Variants in ACVRL1 observed in about 807,000 individuals in gnomAD.
ACVRL1 encodes activin receptor type-1-like.
ACVRL1 carries 20 observed loss-of-function variants against 51.9 expected under a neutral mutation model. The ratio of observed to expected loss-of-function variants is 0.39; its 90% CI spans 0.27 to 0.56. The LOEUF (loss-of-function observed/expected upper bound fraction) is 0.56. Among genes scored for constraint, ACVRL1 ranks in the 20% least tolerant of loss-of-function variants. ACVRL1 has a pLI of 0.67. For synonymous variants in ACVRL1, 288 were observed against 280.9 expected, an observed-to-expected ratio of 1.03 and a Z score of -0.25; for missense variants, 451 against 670.3, an observed-to-expected ratio of 0.67 and a Z score of 3.61.
In ACVRL1 at chr12:51,920,929, G is replaced by A. The variant is rs768608853; in HGVS notation, c.*36G>A. 1.3e-6 allele frequency: 2 copies of A among 1,498,990 alleles called. No homozygotes were observed. The highest frequency in any genetic ancestry group is 9.1e-7 in the Non-Finnish European group (1 of 1,101,174). 92.9% of individuals were successfully genotyped at this position (1,498,990 alleles called of 1,614,324 possible). A position where few individuals can be genotyped will look rare whatever the true frequency, so the allele number is the denominator to read the frequency against. ...CCTGATTCCTTTCTGCCTGCAGGGG[G>A]CTGGGGGGGTGGGGGGCAGTGGATG... On this transcript the variant is annotated 3_prime_UTR_variant, in exon 10 of 10. Transcript: ENST00000388922.
At position 51,907,904 on chromosome 12, in the gene ACVRL1, C is replaced by T. The variant is rs935124871; in HGVS notation, c.-6+209C>T. 6.6e-6 allele frequency among the ~76,000 whole-genome samples: 1 copy of T among 152,212 alleles called. No homozygotes were observed. Among genetic ancestry groups the T allele is most frequent in the Non-Finnish European group, 1.5e-5 (1 of 68,028 alleles). On this transcript the variant is annotated intron_variant, in intron 1 of 9. Transcript: ENST00000388922. The surrounding 1 kb of genome is among the most constrained non-coding windows in gnomAD (Gnocchi z 4.5). ...TTGGAGGGGAATGGACGAGACTGGACTGGAAATCAGAAACTTGGTTCTAGT... is the reference window on the plus strand; with the variant it reads ...TTGGAGGGGAATGGACGAGACTGGATTGGAAATCAGAAACTTGGTTCTAGT...
At position 51,912,983 on chromosome 12, in the gene ACVRL1, C is replaced by T. The variant is rs1008993227; in HGVS notation, c.62-116C>T. 7.7e-6 allele frequency: 11 copies of T among 1,431,786 alleles called. No homozygotes were observed. In the African/African-American group the frequency reaches 1.5e-4, roughly 20 times the overall value. 88.7% of individuals were successfully genotyped at this position (1,431,786 alleles called of 1,614,324 possible). On this transcript the variant is annotated intron_variant, in intron 2 of 9. Transcript: ENST00000388922. ...TGAGGATGAAAGTAAGAGACCAAAG[C>T]TTCAAGGTGTTTGTCTGAGGGGTCA...
Position 51,922,189 on chromosome 12 carries a change from A to G in ACVRL1, c.*1296A>G, listed in dbSNP as rs542951132. 1 of 152,160 alleles carries G rather than the reference A, an allele frequency of 6.6e-6. No homozygotes were observed. Among genetic ancestry groups the G allele is most frequent in the South Asian group, 2.1e-4 (1 of 4,818 alleles). The allele number at this position is 152,160 out of a possible 1,614,324, so 9.4% of individuals were successfully genotyped here. A position where few individuals can be genotyped will look rare whatever the true frequency, so the allele number is the denominator to read the frequency against. ...CCAGCCCCTGGCAATTTGCCTCAAGATGGGGGTTTGAAAATAACTTTACCT... is the reference window on the plus strand; with the variant it reads ...CCAGCCCCTGGCAATTTGCCTCAAGGTGGGGGTTTGAAAATAACTTTACCT... On this transcript the variant is annotated 3_prime_UTR_variant, in exon 10 of 10. Transcript: ENST00000388922.
Position 51,914,550 on chromosome 12 carries a change from A to G in ACVRL1, c.737A>G (p.Tyr246Cys), listed in dbSNP as rs755026232. ...EQSWFRETEI[Y>C]NTVLLRHDNI... The stretch of plus-strand genomic sequence containing the variant: ...TCCTGGTTCCGGGAGACTGAGATCT[A>G]TAACACAGTGTTGCTCAGACACGAC... Residue 246 changes from tyrosine to cysteine, a missense_variant, in exon 6 of 10, where the codon TAT (tyrosine) becomes TGT (cysteine). Tyr to Cys is a radical substitution (Grantham distance 194, BLOSUM62 -2). Coordinates refer to ENST00000388922, the MANE Select transcript of ACVRL1 (RefSeq NM_000020.3). 11 of 1,613,740 alleles carry G rather than the reference A, an allele frequency of 6.8e-6. No homozygotes were observed. Among genetic ancestry groups the G allele is most frequent in the East Asian group, 2.2e-5 (1 of 44,844 alleles).
At chr12:51,918,842 C>G in intron 8 of ACVRL1, 143 bp from the exon 9 acceptor site, 1 of 1,130,948 alleles carries the variant, frequency 8.8e-7, no homozygotes, top group South Asian at 1.3e-5. Flanking sequence ...ACATTTATTG[C>G]ATTATACTGT....
Position 51,917,822 on chromosome 12 carries a change from G to A in ACVRL1, c.1247-1163G>A, listed in dbSNP as rs1273224559. ...CTTGGACCAGGCTGCAGGGCAGAAA[G>A]GAAAGGCTGGGAGGAGGCTGCCTGG... On this transcript the variant is annotated intron_variant, in intron 8 of 9. Transcript: ENST00000388922. The surrounding 1 kb of genome is among the most constrained non-coding windows in gnomAD (Gnocchi z 4.2). Among the ~76,000 whole-genome samples the A allele has an allele frequency of 1.3e-5, 2 of 152,210 alleles. No homozygotes were observed. The highest frequency in any genetic ancestry group is 4.8e-5 in the African/African-American group (2 of 41,450).
At chr12:51,915,752 C>G in intron 7 of ACVRL1, 1 of 659,866 alleles carries the variant, frequency 1.5e-6, no homozygotes, top group Non-Finnish European at 2.5e-6. Flanking sequence ...GGTTCTCATC[C>G]TGGTTTCGCC....
intron 1 of ACVRL1, chr12:51,912,213 AGGGTTT>A: frequency 1.6e-6 from 1 of 610,704 alleles, no homozygotes; most frequent in South Asian, 2.0e-5. Flanking sequence ...GTGCAGAGCT[AGGGTTT>A]CCCCAAGCTC....
In ACVRL1 at chr12:51,916,952, C is replaced by T. The variant is rs1032865190; in HGVS notation, c.1246+719C>T. On this transcript the variant is annotated intron_variant, in intron 8 of 9. Coordinates refer to ENST00000388922, the MANE Select transcript of ACVRL1 (RefSeq NM_000020.3). ...TCATGCCACTGCACTCCAGTCTGGG[C>T]GACAGAGTGAGACCCTGTCTCAAAA... is the stretch of plus-strand genomic sequence containing the variant. Among the ~76,000 whole-genome samples, 9 of 151,578 alleles carry T rather than the reference C, an allele frequency of 5.9e-5. No homozygotes were observed. The South Asian group carries it at 6.2e-4, about 11-fold the overall frequency.
chr12:51,915,629 T>A, intron 7 of ACVRL1, 129 bp downstream of exon 7: 1 of 1,283,722 alleles, frequency 7.8e-7, no homozygotes, highest in Non-Finnish European at 1.1e-6. Context: ...GTTTCAGTTC[T>A]CCTCCGCAAG....
chr12:51,922,037 C>T lies in ACVRL1; in HGVS notation c.*1144C>T, dbSNP rs1401087848. 6.6e-6 allele frequency: 1 copy of T among 152,180 alleles called. No homozygotes were observed. The highest frequency in any genetic ancestry group is 1.5e-5 in the Non-Finnish European group (1 of 68,054). 9.4% of individuals were successfully genotyped at this position (152,180 alleles called of 1,614,324 possible). A position where few individuals can be genotyped will look rare whatever the true frequency, so the allele number is the denominator to read the frequency against. ...GTGAGCCATCGCGCCTGGCCAGGAC[C>T]TTTGTTTCTTATCTACATATTGGAA... On this transcript the variant is annotated 3_prime_UTR_variant, in exon 10 of 10. Coordinates refer to ENST00000388922, the MANE Select transcript of ACVRL1 (RefSeq NM_000020.3).
chr12:51,920,931 T>TGGGGGGGGGGGGGGCG lies in ACVRL1; in HGVS notation c.*45_*46insGGGGGGGCGGGGGGGG. ...TGATTCCTTTCTGCCTGCAGGGGGC[T>TGGGGGGGGGGGGGGCG]GGGGGGGTGGGGGGCAGTGGATGGT... On this transcript the variant is annotated 3_prime_UTR_variant, in exon 10 of 10. Coordinates refer to ENST00000388922, the MANE Select transcript of ACVRL1 (RefSeq NM_000020.3). The TGGGGGGGGGGGGGGCG allele has an allele frequency of 4.9e-6, 1 of 203,002 alleles. No homozygotes were observed. Among genetic ancestry groups the TGGGGGGGGGGGGGGCG allele is most frequent in the Non-Finnish European group, 9.6e-6 (1 of 104,500 alleles). The allele number at this position is 203,002 out of a possible 1,614,324, so 12.6% of individuals were successfully genotyped here.
At chr12:51,914,657 C>T (rs1940787760) in intron 6 of ACVRL1, 72 bp downstream of exon 6, 2 of 1,537,908 alleles carry the variant, frequency 1.3e-6, no homozygotes, top group Non-Finnish European at 8.8e-7. Context: ...GTTTGCAGAC[C>T]TCCAGACATT....
intron 7 of ACVRL1, chr12:51,915,748 C>T (rs1443802769): frequency 6.0e-6 from 4 of 670,240 alleles, no homozygotes; most frequent in Admixed American, 3.0e-5. Flanking sequence ...CCTGGGTTCT[C>T]ATCCTGGTTT....
rs751538529 is a variant in ACVRL1 at position 51,917,763 on chromosome 12, G to A, written c.1247-1222G>A. ...AGTGGGCTCTAAGGAGACCGGGATCGGGGGAAAGAGGAACCTGGAAGAAGC... is the reference window on the plus strand; with the variant it reads ...AGTGGGCTCTAAGGAGACCGGGATCAGGGGAAAGAGGAACCTGGAAGAAGC... On this transcript the variant is annotated intron_variant, in intron 8 of 9. Coordinates refer to ENST00000388922, the MANE Select transcript of ACVRL1 (RefSeq NM_000020.3). The surrounding 1 kb of genome is among the most constrained non-coding windows in gnomAD (Gnocchi z 4.2). 2.6e-5 allele frequency among the ~76,000 whole-genome samples: 4 copies of A among 152,120 alleles called. No homozygotes were observed. Among genetic ancestry groups the A allele is most frequent in the Admixed American group, 1.3e-4 (2 of 15,268 alleles).
At chr12:51,919,216 G>C (rs1940912335) in intron 9 of ACVRL1, 101 bp downstream of exon 9, 1 of 1,560,056 alleles carries the variant, frequency 6.4e-7, no homozygotes, top group South Asian at 1.1e-5. Context: ...TCATCTCATA[G>C]ATACTGAGTG....
At chr12:51,911,544 C>T (rs757317912) in intron 1 of ACVRL1, among the ~76,000 whole-genome samples, 4 of 152,206 alleles carry the variant, frequency 2.6e-5, no homozygotes, top group Admixed American at 6.5e-5. Context: ...GACCCTGCCC[C>T]GTCCGAGCTT....
Position 51,919,406 on chromosome 12 carries a change from TG to T in ACVRL1, c.1377+292del, listed in dbSNP as rs1940917977. 8.8e-6 allele frequency: 4 copies of T among 454,354 alleles called. No individual in the cohort carries two copies. In the East Asian group the frequency reaches 1.8e-4, roughly 20 times the overall value. The allele number at this position is 454,354 out of a possible 1,614,324, so 28.1% of individuals were successfully genotyped here. ...GTGTGTGTGTGTGTGTGTGTGTGTTTGAGAGTCAGGGTTTTGTTTGCTCTTG... is the reference window on the plus strand; with the variant it reads ...GTGTGTGTGTGTGTGTGTGTGTGTTTAGAGTCAGGGTTTTGTTTGCTCTTG... On this transcript the variant is annotated intron_variant, in intron 9 of 9. Transcript: ENST00000388922.
chr12:51,915,347 G>A lies in ACVRL1; in HGVS notation c.895G>A (p.Ala299Thr), dbSNP rs1210876255. The A allele has an allele frequency of 1.2e-6, 2 of 1,614,164 alleles. No individual in the cohort carries two copies. Among genetic ancestry groups the A allele is most frequent in the Non-Finnish European group, 8.5e-7 (1 of 1,180,046 alleles). Residue 299 changes from alanine to threonine, a missense_variant, in exon 7 of 10, where the codon GCT becomes ACT. Transcript: ENST00000388922. Reference sequence around the variant, plus strand: ...GAGACAGACGCTGGAGCCCCATCTGGCTCTGAGGCTAGCTGTGTCCGCGGC... The same window carrying A: ...GAGACAGACGCTGGAGCCCCATCTGACTCTGAGGCTAGCTGTGTCCGCGGC... ...LQRQTLEPHL[A>T]LRLAVSAACG...
Sources: gnomAD v4.1 joint callset for allele counts (sites outside exome capture counted in the v4.1 genomes callset) on GRCh38, gnomAD v4.1.1 for gene constraint, Gnocchi (gnomAD v3.1) non-coding constraint, MANE v1.5 for transcripts, NCBI Gene and HGNC (gene_info 2026-07-23, HGNC 2026-07-21) for gene names.